NLK: variants seen among roughly 807,000 people sequenced by gnomAD.
The protein encoded by NLK is serine/threonine-protein kinase NLK.
NLK carries 11 observed loss-of-function variants against 59.0 expected under a neutral mutation model. The ratio of observed to expected loss-of-function variants is 0.19; its 90% CI spans 0.12 to 0.31. The LOEUF is 0.31. NLK is among the 10% of genes least tolerant of loss of function. The pLI is 1.00. For missense variants in NLK, 410 were observed against 661.1 expected, an observed-to-expected ratio of 0.62 and a Z score of 4.16; for synonymous variants, 235 against 235.9, an observed-to-expected ratio of 1.00 and a Z score of 0.03.
intron 1 of NLK, among the ~76,000 whole-genome samples, chr17:28,119,479 C>G (rs1905926158): frequency 6.6e-6 from 1 of 151,980 alleles, no homozygotes; most frequent in South Asian, 2.1e-4. Flanking sequence ...AATAGGGTAA[C>G]CAGTAAGTAG....
At chr17:28,148,522 CAA>C (rs1435348349) in intron 3 of NLK, among the ~76,000 whole-genome samples, 3 of 152,070 alleles carry the variant, frequency 2.0e-5, no homozygotes, top group African/African-American at 7.2e-5. Flanking sequence ...GACACTGAGA[CAA>C]AGAGAATGAG....
intron 1 of NLK, among the ~76,000 whole-genome samples, chr17:28,096,300 C>CATAGTAAATTTT: frequency 6.6e-6 from 1 of 152,108 alleles, no homozygotes; most frequent in South Asian, 2.1e-4. Flanking sequence ...TATAATTTTA[C>CATAGTAAATTTT]ACAAGAAAAA....
chr17:28,077,073 CTTT>C (rs35639099), intron 1 of NLK, among the ~76,000 whole-genome samples: 39 of 42,494 alleles, frequency 9.2e-4, no homozygotes, highest in Admixed American at 3.8e-3. Context: ...CTCTTTCTTT[CTTT>C]TTTTTTTTTT....
chr17:28,084,328 T>C (rs1007143105), intron 1 of NLK, among the ~76,000 whole-genome samples: 2 of 152,220 alleles, frequency 1.3e-5, no homozygotes, highest in South Asian at 2.1e-4. Context: ...CACATACTTA[T>C]TGATAACCTT....
chr17:28,064,587 G>A (rs1909767388), intron 1 of NLK, among the ~76,000 whole-genome samples: 1 of 152,102 alleles, frequency 6.6e-6, no homozygotes, highest in Non-Finnish European at 1.5e-5. Context: ...TTTCAGGGAT[G>A]GGGTCTCATT....
At chr17:28,071,585 C>T (rs1417108049) in intron 1 of NLK, among the ~76,000 whole-genome samples, 1 of 152,070 alleles carries the variant, frequency 6.6e-6, no homozygotes, top group Non-Finnish European at 1.5e-5. Flanking sequence ...TTTTTCGATG[C>T]CATTGGAAAT....
rs546911586 is a variant in NLK, at chr17:28,120,911, T to A, written c.459-1692T>A. Among the ~76,000 whole-genome samples, 4 of 152,322 alleles carry A rather than the reference T, an allele frequency of 2.6e-5. No homozygotes were observed. The South Asian group carries it at 8.3e-4, about 32-fold the overall frequency. On this transcript the variant is annotated intron_variant, in intron 1 of 10. Coordinates refer to ENST00000407008, the MANE Select transcript of NLK (RefSeq NM_016231.5). ...ATGAGTGTCTGATTTCCTGAGTGAT[T>A]GTAGTTCATTGAATGAGTAATTGAA...
At chr17:28,205,932 T>G in the NLK span, among the ~76,000 whole-genome samples, 1 of 152,206 alleles carries the variant, frequency 6.6e-6, no homozygotes, top group Non-Finnish European at 1.5e-5. Flanking sequence ...GGTGCTCTTT[T>G]AGATACACAC....
chr17:28,190,566 CTGTT>C (rs1909270150), intron 8 of NLK, among the ~76,000 whole-genome samples: 1 of 152,076 alleles, frequency 6.6e-6, no homozygotes, highest in African/African-American at 2.4e-5. Context: ...TTGCCATCAT[CTGTT>C]TGGTATTCTA....
At chr17:28,057,108 C>T (rs1484431015) in intron 1 of NLK, among the ~76,000 whole-genome samples, 1 of 152,172 alleles carries the variant, frequency 6.6e-6, no homozygotes, top group South Asian at 2.1e-4. Flanking sequence ...GCATGCACCA[C>T]CACGCCCGGC....
downstream of NLK, among the ~76,000 whole-genome samples, chr17:28,199,352 A>ACACACCAC (rs1909561623): frequency 6.6e-6 from 1 of 152,042 alleles, no homozygotes; most frequent in Admixed American, 6.6e-5. Flanking sequence ...AATCCCAGCT[A>ACACACCAC]TTTGGGAGGC....
intron 1 of NLK, among the ~76,000 whole-genome samples, chr17:28,119,651 G>T (rs982759614): frequency 9.9e-5 from 15 of 152,076 alleles, no homozygotes; most frequent in Admixed American, 9.8e-4. Flanking sequence ...ATTGATTCAG[G>T]CAAAAATCAT....
At chr17:28,115,803 AG>A (rs1905740103) in intron 1 of NLK, among the ~76,000 whole-genome samples, 1 of 151,982 alleles carries the variant, frequency 6.6e-6, no homozygotes, top group Admixed American at 6.5e-5. Context: ...AGAAGTCTTG[AG>A]TAGCATCTGT....
At chr17:28,173,055 G>A (rs1382380768) in intron 7 of NLK, among the ~76,000 whole-genome samples, 2 of 152,310 alleles carry the variant, frequency 1.3e-5, no homozygotes, top group East Asian at 1.9e-4. Context: ...AGAATCAGAT[G>A]TGAACGTTGT....
intron 1 of NLK, among the ~76,000 whole-genome samples, chr17:28,107,543 G>T (rs762294377): frequency 6.6e-6 from 1 of 152,136 alleles, no homozygotes; most frequent in Non-Finnish European, 1.5e-5. Flanking sequence ...GCCTACTAAG[G>T]TCAGAACATA....
intron 9 of NLK, among the ~76,000 whole-genome samples, chr17:28,191,429 C>T (rs182948797): frequency 2.0e-5 from 3 of 152,162 alleles, no homozygotes; most frequent in Admixed American, 2.0e-4. Flanking sequence ...ATATTTTGTT[C>T]TTATTTTCAA....
intron 1 of NLK, among the ~76,000 whole-genome samples, chr17:28,112,351 C>T (rs1905560566): frequency 6.6e-6 from 1 of 152,082 alleles, no homozygotes; most frequent in Non-Finnish European, 1.5e-5. Context: ...CCTGTGACAA[C>T]GAAGCTGCTG....
intron 3 of NLK, among the ~76,000 whole-genome samples, chr17:28,155,948 G>A (rs12103902): frequency 6.6e-6 from 1 of 152,028 alleles, no homozygotes; most frequent in Non-Finnish European, 1.5e-5. Context: ...TATAATACCA[G>A]TTTTATTTTA....
chr17:28,057,629 G>T (rs1909486981), intron 1 of NLK, among the ~76,000 whole-genome samples: 1 of 152,242 alleles, frequency 6.6e-6, no homozygotes, highest in African/African-American at 2.4e-5. Context: ...GTAAGATCTG[G>T]TTTCACAATT....
Sources: allele counts gnomAD v4.1 joint callset (sites outside exome capture counted in the v4.1 genomes callset), GRCh38; gene constraint gnomAD v4.1.1; transcripts MANE v1.5; gene names NCBI Gene and HGNC (gene_info 2026-07-23, HGNC 2026-07-21).